The following RNF144A variants were observed in gnomAD, a reference collection of about 807,000 sequenced individuals.
RNF144A encodes ring finger protein 144A.
A neutral mutation model predicts 38.7 loss-of-function variants in RNF144A; 11 were observed. That is an observed-to-expected ratio of 0.28 (90% CI 0.18 to 0.47). The LOEUF (loss-of-function observed/expected upper bound fraction) is 0.47, where lower values mean the gene tolerates loss of function less well. RNF144A is among the 20% of genes least tolerant of loss of function. The pLI is 0.99. For synonymous variants in RNF144A, 149 were observed against 143.9 expected, an observed-to-expected ratio of 1.04 and a Z score of -0.25; for missense variants, 316 against 377.2, an observed-to-expected ratio of 0.84 and a Z score of 1.34.
chr2:6,951,533 A>G (rs1366727516), intron 2 of RNF144A, among the ~76,000 whole-genome samples: 5 of 152,236 alleles, frequency 3.3e-5, no homozygotes, highest in African/African-American at 1.2e-4. Context: ...GGATTGCATT[A>G]ACTCTGTAGG....
In RNF144A at chr2:6,946,878, G is replaced by C. The variant is rs912698580; in HGVS notation, c.-12+5731G>C. ...CTGGACTTGAATGACTAATGTCTTG[G>C]TTGTACATTATTTACATATCTGGTG... is the stretch of plus-strand genomic sequence containing the variant. On this transcript the variant is annotated intron_variant, in intron 2 of 8. Transcript: ENST00000320892. Among the ~76,000 whole-genome samples, 11 of 152,174 alleles carry C rather than the reference G, an allele frequency of 7.2e-5. No homozygotes were observed. In the South Asian group the frequency reaches 2.1e-3, roughly 29 times the overall value.
intron 6 of RNF144A, among the ~76,000 whole-genome samples, chr2:7,067,615 A>C (rs1382143314): frequency 6.6e-6 from 1 of 152,162 alleles, no homozygotes; most frequent in Non-Finnish European, 1.5e-5. Flanking sequence ...CAGGTGACTC[A>C]GTGGGTTCTT....
chr2:7,024,554 C>G (rs760315329), intron 7 of RNF144A, 38 bp downstream of exon 7: 2 of 1,576,042 alleles, frequency 1.3e-6, no homozygotes, highest in Non-Finnish European at 1.7e-6. Flanking sequence ...CGGCATTTAG[C>G]TTTGAGGTTT....
downstream of RNF144A, among the ~76,000 whole-genome samples, chr2:7,045,050 G>A (rs309300): frequency 0.43 from 65,044 of 152,160 alleles, 14,968 homozygotes; most frequent in South Asian, 0.76. Context: ...GGTCAGGGAA[G>A]GCTGTCCAGA....
chr2:6,941,700 G>A lies in RNF144A; in HGVS notation c.-12+553G>A, dbSNP rs1051856638. 6.6e-6 allele frequency among the ~76,000 whole-genome samples: 1 copy of A among 152,264 alleles called. No individual in the cohort carries two copies. The highest frequency in any genetic ancestry group is 1.5e-5 in the Non-Finnish European group (1 of 68,038). ...AGTAGACCATGTCTAGTACGACGGG[G>A]CAGGTTGCAGTTTTAAGTGGAGTGG... On this transcript the variant is annotated intron_variant, in intron 2 of 8. Coordinates refer to ENST00000320892, the MANE Select transcript of RNF144A (RefSeq NM_014746.6). This position sits in a 1 kb window ranked among gnomAD's most constrained non-coding sequence, Gnocchi z 6.5.
At position 7,043,683 on chromosome 2, in the gene RNF144A, A is replaced by G; in HGVS notation, c.*3923A>G. ...TAAAACCTAATTGCTAATGCTTCAC[A>G]ACTAGGAGAGCATGCCGTCTTGATG... On this transcript the variant is annotated 3_prime_UTR_variant, in exon 9 of 9. Transcript: ENST00000320892. 2.0e-6 allele frequency: 2 copies of G among 985,868 alleles called. No homozygotes were observed. Among genetic ancestry groups the G allele is most frequent in the Non-Finnish European group, 1.2e-6 (1 of 829,932 alleles). 61.1% of individuals were successfully genotyped at this position (985,868 alleles called of 1,614,324 possible).
intron 2 of RNF144A, among the ~76,000 whole-genome samples, chr2:6,947,768 G>A (rs1372115461): frequency 6.6e-6 from 1 of 152,190 alleles, no homozygotes; most frequent in Non-Finnish European, 1.5e-5. Context: ...CCAATGAGAG[G>A]GTCTGTGGGA....
chr2:7,076,146 C>T, the RNF144A span, among the ~76,000 whole-genome samples: 1 of 152,136 alleles, frequency 6.6e-6, no homozygotes, highest in Non-Finnish European at 1.5e-5. Context: ...AACTCCAAGC[C>T]CTTTCCCTAG....
At chr2:7,035,904 C>T (rs555774353) in intron 8 of RNF144A, among the ~76,000 whole-genome samples, 12 of 152,310 alleles carry the variant, frequency 7.9e-5, no homozygotes, top group South Asian at 2.1e-4. Context: ...AGTTATTGTA[C>T]AGTTTGTTTC....
At chr2:6,963,893 C>T (rs1667491007) in intron 2 of RNF144A, among the ~76,000 whole-genome samples, 1 of 152,142 alleles carries the variant, frequency 6.6e-6, no homozygotes, top group South Asian at 2.1e-4. Context: ...ATTTGAGAGC[C>T]ATCCTTCTGG....
chr2:7,020,872 T>G, intron 6 of RNF144A, 192 bp downstream of exon 6: 1 of 600,024 alleles, frequency 1.7e-6, no homozygotes, highest in Non-Finnish European at 3.0e-6. Context: ...GAACTGACTA[T>G]GTACCAGGCA....
intron 6 of RNF144A, among the ~76,000 whole-genome samples, chr2:7,054,986 A>G (rs1483530627): frequency 6.6e-6 from 1 of 152,040 alleles, no homozygotes; most frequent in Non-Finnish European, 1.5e-5. Flanking sequence ...TGAAGCCACT[A>G]GTGACTTCTC....
chr2:7,065,673 ACT>A (rs1228925876), intron 6 of RNF144A, among the ~76,000 whole-genome samples: 7 of 152,146 alleles, frequency 4.6e-5, no homozygotes, highest in South Asian at 4.1e-4. Context: ...ATCATAATGA[ACT>A]CTCTTCATAT....
intron 8 of RNF144A, among the ~76,000 whole-genome samples, chr2:7,034,459 G>C (rs554629708): frequency 3.9e-5 from 6 of 152,282 alleles, no homozygotes; most frequent in African/African-American, 1.2e-4. Flanking sequence ...AAATGAGTCC[G>C]TGTAAAGAGC....
At chr2:7,048,206 A>G (rs1245980494), downstream of RNF144A, among the ~76,000 whole-genome samples, 7 of 152,194 alleles carry the variant, frequency 4.6e-5, no homozygotes, top group Non-Finnish European at 1.0e-4. Context: ...AGATGATTTC[A>G]GAGATTACAG....
intron 2 of RNF144A, among the ~76,000 whole-genome samples, chr2:6,995,455 C>G (rs1228732729): frequency 6.6e-6 from 1 of 152,154 alleles, no homozygotes; most frequent in South Asian, 2.1e-4. Context: ...CTCACACGAT[C>G]ACGACGTGAG....
At chr2:6,952,234 C>T (rs916712951) in intron 2 of RNF144A, among the ~76,000 whole-genome samples, 2 of 152,054 alleles carry the variant, frequency 1.3e-5, no homozygotes, top group African/African-American at 4.8e-5. Flanking sequence ...TTCTCTTATA[C>T]TTCTAAGAGA....
At chr2:6,945,827 TAGA>T (rs1265139682) in intron 2 of RNF144A, among the ~76,000 whole-genome samples, 1 of 152,120 alleles carries the variant, frequency 6.6e-6, no homozygotes, top group African/African-American at 2.4e-5. Context: ...TGCTGACTGT[TAGA>T]AGAATTATCA....
At chr2:6,998,057 C>T (rs1481858118) in intron 3 of RNF144A, among the ~76,000 whole-genome samples, 1 of 151,832 alleles carries the variant, frequency 6.6e-6, no homozygotes, top group East Asian at 1.9e-4. Flanking sequence ...TCACATTGTT[C>T]ACTTGAAGTA....
Sources: gnomAD v4.1 joint callset for allele counts (sites outside exome capture counted in the v4.1 genomes callset) on GRCh38, gnomAD v4.1.1 for gene constraint, Gnocchi (gnomAD v3.1) non-coding constraint, MANE v1.5 for transcripts, NCBI Gene and HGNC (gene_info 2026-07-23, HGNC 2026-07-21) for gene names.